Variants in VWA3B observed in about 807,000 individuals in gnomAD.
The protein encoded by VWA3B is von Willebrand factor A domain containing 3B.
VWA3B carries 138 observed loss-of-function variants against 158.3 expected under a neutral mutation model. The ratio of observed to expected loss-of-function variants is 0.87; its 90% CI spans 0.76 to 1.00. The LOEUF is 1.00. Among genes scored for constraint, VWA3B ranks in the 50% least tolerant of loss-of-function variants. The pLI is 0.00. For synonymous variants in VWA3B, 596 were observed against 587.3 expected (o/e 1.01, Z -0.21); for missense variants, 1,555 against 1,565.1 (o/e 0.99, Z 0.11).
At chr2:98,109,212 G>C (rs184344691) in intron 2 of VWA3B, among the ~76,000 whole-genome samples, 4 of 152,132 alleles carry the variant, frequency 2.6e-5, no homozygotes, top group African/African-American at 7.2e-5. Flanking sequence ...GGCTGGTCTT[G>C]AACTCCTGAC....
rs1287637729 is a variant in VWA3B at position 98,092,830 on chromosome 2, A to G, written c.-32-231A>G. 3.6e-4 allele frequency among the ~76,000 whole-genome samples: 40 copies of G among 111,690 alleles called. 1 individual carries two copies. In the East Asian group the frequency reaches 8.7e-3, roughly 24 times the overall value. 73.3% of individuals were successfully genotyped at this position (111,690 alleles called of 152,430 possible). ...TAGATGTTTTTGTATATATATATAT[A>G]TATATATATATATATATATATATAT... On this transcript the variant is annotated intron_variant, in intron 1 of 27. Transcript: ENST00000477737.
intron 6 of VWA3B, among the ~76,000 whole-genome samples, chr2:98,130,791 T>C (rs1181468004): frequency 6.6e-6 from 1 of 152,224 alleles, no homozygotes; most frequent in Non-Finnish European, 1.5e-5. Context: ...TACTTCTTTC[T>C]ACACAGACAC....
intron 6 of VWA3B, among the ~76,000 whole-genome samples, chr2:98,131,648 G>T (rs554218109): frequency 1.4e-4 from 22 of 152,202 alleles, no homozygotes; most frequent in African/African-American, 5.3e-4. Flanking sequence ...TCCTAACAGG[G>T]TAAGATGGCA....
At chr2:98,121,028 T>G (rs559061880) in intron 4 of VWA3B, among the ~76,000 whole-genome samples, 133 of 152,366 alleles carry the variant, frequency 8.7e-4, no homozygotes, top group African/African-American at 3.1e-3. Context: ...TTTAAAGGAC[T>G]CATTATTAGT....
At chr2:98,121,028 T>A (rs559061880) in intron 4 of VWA3B, among the ~76,000 whole-genome samples, 1 of 152,248 alleles carries the variant, frequency 6.6e-6, no homozygotes, top group Admixed American at 6.5e-5. Context: ...TTTAAAGGAC[T>A]CATTATTAGT....
chr2:98,261,612 C>T (rs576122771), intron 21 of VWA3B, among the ~76,000 whole-genome samples: 3 of 151,656 alleles, frequency 2.0e-5, no homozygotes, highest in East Asian at 1.9e-4. Context: ...ACTCTCTTAC[C>T]TTTTATTTAT....
the VWA3B span, among the ~76,000 whole-genome samples, chr2:98,327,111 A>G: frequency 4.6e-5 from 7 of 152,088 alleles, no homozygotes; most frequent in Admixed American, 1.3e-4. Context: ...CCTGGGCAAC[A>G]TGGCGAAACC....
At chr2:98,163,060 C>T in intron 8 of VWA3B, 84 bp downstream of exon 8, 1 of 1,570,128 alleles carries the variant, frequency 6.4e-7, no homozygotes, top group South Asian at 1.2e-5. Flanking sequence ...TGTTCCTGAC[C>T]AGAGAAGCTC....
intron 7 of VWA3B, among the ~76,000 whole-genome samples, chr2:98,157,002 G>A (rs995096021): frequency 2.0e-5 from 3 of 152,118 alleles, no homozygotes; most frequent in Admixed American, 6.5e-5. Context: ...TTTTCTAAAC[G>A]AATTTTGGAC....
intron 22 of VWA3B, among the ~76,000 whole-genome samples, chr2:98,281,670 T>C (rs916169358): frequency 6.6e-6 from 1 of 152,196 alleles, no homozygotes; most frequent in Non-Finnish European, 1.5e-5. Flanking sequence ...TCCAAGAGCA[T>C]GACCTTGAAA....
intron 7 of VWA3B, among the ~76,000 whole-genome samples, chr2:98,140,458 TG>T (rs1676687623): frequency 6.6e-6 from 1 of 152,214 alleles, no homozygotes; most frequent in Non-Finnish European, 1.5e-5. Flanking sequence ...TCCTTCCCCT[TG>T]GCTTTCAGCC....
At chr2:98,116,694 C>T (rs766963777) in intron 3 of VWA3B, among the ~76,000 whole-genome samples, 5 of 152,068 alleles carry the variant, frequency 3.3e-5, no homozygotes, top group East Asian at 1.9e-4. Flanking sequence ...TTTTTGCAGA[C>T]GGGGTCTCGC....
intron 7 of VWA3B, 101 bp downstream of exon 7, chr2:98,134,040 C>A: frequency 1.1e-6 from 1 of 951,698 alleles, no homozygotes; most frequent in South Asian, 1.4e-5. Flanking sequence ...CTCCCCATGT[C>A]TTTTGTATAA....
At chr2:98,248,610 A>G (rs938017623) in intron 19 of VWA3B, among the ~76,000 whole-genome samples, 1 of 152,150 alleles carries the variant, frequency 6.6e-6, no homozygotes, top group African/African-American at 2.4e-5. Flanking sequence ...GACGTCAGGC[A>G]TTGAGCCTGA....
chr2:98,177,255 C>T (rs1680087754), intron 8 of VWA3B, among the ~76,000 whole-genome samples: 1 of 152,112 alleles, frequency 6.6e-6, no homozygotes, highest in Admixed American at 6.5e-5. Flanking sequence ...GAGGACAGGG[C>T]TGGTCAATTC....
In VWA3B at chr2:98,184,478, G is replaced by C. The variant is rs377174445; in HGVS notation, c.1311+3266G>C. Among the ~76,000 whole-genome samples the C allele has an allele frequency of 3.4e-4, 52 of 152,338 alleles. No individual in the cohort carries two copies. The East Asian group carries it at 5.8e-3, about 17-fold the overall frequency. On this transcript the variant is annotated intron_variant, in intron 9 of 27. Coordinates refer to ENST00000477737, the MANE Select transcript of VWA3B (RefSeq NM_144992.5). ...TCACTGTAAATTCATGCCCGCTCAT[G>C]TCAGTGGATCTTTTGAGCTGCCCAG...
the VWA3B span, among the ~76,000 whole-genome samples, chr2:98,324,441 G>A: frequency 6.6e-6 from 1 of 152,166 alleles, no homozygotes; most frequent in Non-Finnish European, 1.5e-5. Context: ...GGGATTAGAG[G>A]TGTGAGTCAC....
downstream of VWA3B, among the ~76,000 whole-genome samples, chr2:98,313,642 C>T (rs142972399): frequency 6.6e-6 from 1 of 152,336 alleles, no homozygotes; most frequent in African/African-American, 2.4e-5. Context: ...ATTCAACAAG[C>T]AATTTGAGTG....
Position 98,298,373 on chromosome 2 carries a change from G to GATTCTATTCTATTCTATTCT in VWA3B, c.3282+395_3282+414dup, listed in dbSNP as rs61254436. Among the ~76,000 whole-genome samples, 883 of 122,336 alleles carry GATTCTATTCTATTCTATTCT rather than the reference G, an allele frequency of 7.2e-3. 21 individuals carry two copies. The highest frequency in any genetic ancestry group is 0.023 in the East Asian group (89 of 3,908). The allele number at this position is 122,336 out of a possible 152,430, so 80.3% of individuals were successfully genotyped here. ...ACTGTGGACACTTTTAACTACAAAA[G>GATTCTATTCTATTCTATTCT]ATTCTATTCTATTCTATTCTATTCT... On this transcript the variant is annotated intron_variant, in intron 24 of 27. Transcript: ENST00000477737.
Sources: allele counts gnomAD v4.1 joint callset (sites outside exome capture counted in the v4.1 genomes callset), GRCh38; gene constraint gnomAD v4.1.1; transcripts MANE v1.5; gene names NCBI Gene and HGNC (gene_info 2026-07-23, HGNC 2026-07-21).